RIC1: variants seen among roughly 807,000 people sequenced by gnomAD.
RIC1 encodes the protein guanine nucleotide exchange factor subunit RIC1.
Under a neutral mutation model 169.0 loss-of-function variants are expected in RIC1, and 88 were observed. The ratio of observed to expected loss-of-function variants is 0.52; its 90% CI spans 0.44 to 0.62. The LOEUF is 0.62. Among genes scored for constraint, RIC1 ranks in the 20% least tolerant of loss-of-function variants. The pLI is 0.00. For missense variants in RIC1, 1,877 were observed against 1,725.5 expected (o/e 1.09, Z -1.56); for synonymous variants, 790 against 601.5 (o/e 1.31, Z -4.59).
chr9:5,762,541 G>T lies in RIC1; in HGVS notation c.1993G>T (p.Ala665Ser). The T allele has an allele frequency of 6.2e-7, 1 of 1,613,094 alleles. No homozygotes were observed. Among genetic ancestry groups the T allele is most frequent in the South Asian group, 1.1e-5 (1 of 90,726 alleles). Residue 665 changes from alanine (A) to serine (S), a missense_variant and splice_region_variant, in exon 18 of 26, where the codon GCT becomes TCT. Physicochemically the swap from Ala to Ser is moderately conservative, Grantham distance 99. This residue lies in a region of RIC1 where 1,104 missense variants were observed against 992.0 expected (regional missense o/e 1.11). Coordinates refer to ENST00000414202, the MANE Select transcript of RIC1 (RefSeq NM_020829.4). Reference protein sequence around the residue: ...NGITLKMPQQARGAESIMLNL... With the variant: ...NGITLKMPQQSRGAESIMLNL... ...TTAGCTGCTTTTTCTTAAATTTCAG[G>T]CTCGTGGTGCAGAGAGCATTATGTT...
At chr9:5,709,950 G>T (rs1822836656) in intron 3 of RIC1, among the ~76,000 whole-genome samples, 1 of 152,132 alleles carries the variant, frequency 6.6e-6, no homozygotes, top group Admixed American at 6.5e-5. Flanking sequence ...ACGGTTTCCA[G>T]TTTTAAGATA....
intron 3 of RIC1, among the ~76,000 whole-genome samples, chr9:5,709,322 A>G (rs1162795972): frequency 2.0e-5 from 3 of 152,132 alleles, no homozygotes; most frequent in South Asian, 2.1e-4. Context: ...CATTCATTCC[A>G]TTATTTCTAC....
intron 6 of RIC1, among the ~76,000 whole-genome samples, chr9:5,728,748 A>T (rs1004988534): frequency 2.6e-5 from 4 of 152,032 alleles, no homozygotes; most frequent in Non-Finnish European, 5.9e-5. Context: ...GCTTACTATA[A>T]TCTTTAACAC....
intron 2 of RIC1, among the ~76,000 whole-genome samples, chr9:5,678,899 T>C (rs1197474674): frequency 1.3e-5 from 2 of 152,134 alleles, no homozygotes; most frequent in African/African-American, 4.8e-5. Context: ...TTTTGGTGTT[T>C]TAGACATGAA....
intron 6 of RIC1, among the ~76,000 whole-genome samples, chr9:5,725,535 G>C (rs746522037): frequency 2.6e-5 from 4 of 151,832 alleles, no homozygotes; most frequent in Non-Finnish European, 5.9e-5. Flanking sequence ...TTTTTTTGAT[G>C]GTTTTTTTAT....
intron 1 of RIC1, among the ~76,000 whole-genome samples, chr9:5,650,609 C>G (rs369861575): frequency 3.3e-5 from 5 of 152,114 alleles, no homozygotes; most frequent in African/African-American, 1.2e-4. Flanking sequence ...AACATTGACA[C>G]TGGCATGCTG....
chr9:5,720,313 A>T lies in RIC1; in HGVS notation c.572A>T (p.Gln191Leu), dbSNP rs1216855469. 6.2e-7 allele frequency: 1 copy of T among 1,612,686 alleles called. No homozygotes were observed. ...ACAGTACCCTTTTCAGTAGACCTGC[A>T]GTCATCTAGAGGTAGCTATACTTTC... ...LCTVPFSVDLQSSRVGSFLGF... is the reference protein window; with the variant it reads ...LCTVPFSVDLLSSRVGSFLGF... The change falls in exon 5 of 26, where the codon CAG (glutamine) becomes CTG (leucine). Residue 191 changes from glutamine (Q) to leucine (L), a missense_variant. By Grantham distance (113) the Gln-to-Leu change is moderately radical. Transcript: ENST00000414202.
chr9:5,685,248 A>C (rs1003420401), intron 2 of RIC1, among the ~76,000 whole-genome samples: 1 of 150,048 alleles, frequency 6.7e-6, no homozygotes, highest in African/African-American at 2.5e-5. Flanking sequence ...GCTACCAATG[A>C]GTTTCTTCAC....
chr9:5,635,280 C>G lies in RIC1; in HGVS notation c.144+5827C>G, dbSNP rs577619929. On this transcript the variant is annotated intron_variant, in intron 1 of 25. Coordinates refer to ENST00000414202, the MANE Select transcript of RIC1 (RefSeq NM_020829.4). ...CAAGCATGGGCCACCACACCCAGTC[C>G]TTATTCATTTTTTCTATTTTTTGTA... Among the ~76,000 whole-genome samples the G allele has an allele frequency of 3.9e-5, 6 of 152,240 alleles. No homozygotes were observed. The South Asian group carries it at 1.2e-3, about 32-fold the overall frequency.
At position 5,686,007 on chromosome 9, in the gene RIC1, CCAAAAAACA is replaced by C. The variant is rs1197080589; in HGVS notation, c.253-3949_253-3941del. 3.3e-5 allele frequency among the ~76,000 whole-genome samples: 5 copies of C among 151,922 alleles called. No homozygotes were observed. The South Asian group carries it at 8.3e-4, about 25-fold the overall frequency. ...TTCTGAAAAGAAGACATTTATGCAGCCAAAAAACACATGAAAAAATGCTCATCATCACTG... is the reference window on the plus strand; with the variant it reads ...TTCTGAAAAGAAGACATTTATGCAGCCATGAAAAAATGCTCATCATCACTG... On this transcript the variant is annotated intron_variant, in intron 2 of 25. Coordinates refer to ENST00000414202, the MANE Select transcript of RIC1 (RefSeq NM_020829.4).
At chr9:5,683,809 G>T (rs546452082) in intron 2 of RIC1, among the ~76,000 whole-genome samples, 1 of 152,254 alleles carries the variant, frequency 6.6e-6, no homozygotes, top group East Asian at 1.9e-4. Flanking sequence ...TCAACTTCCC[G>T]GCTGCTTTGT....
At chr9:5,771,941 G>T (rs1827250353) in intron 23 of RIC1, among the ~76,000 whole-genome samples, 1 of 151,794 alleles carries the variant, frequency 6.6e-6, no homozygotes, top group Non-Finnish European at 1.5e-5. Context: ...TTCCTACAAG[G>T]ACTCTTTAAG....
At chr9:5,649,360 C>T (rs1818682233) in intron 1 of RIC1, among the ~76,000 whole-genome samples, 1 of 151,980 alleles carries the variant, frequency 6.6e-6, no homozygotes, top group African/African-American at 2.4e-5. Flanking sequence ...TTATGGTGTC[C>T]CATATGTCAT....
At chr9:5,736,655 T>G (rs1824724830) in intron 7 of RIC1, among the ~76,000 whole-genome samples, 1 of 152,060 alleles carries the variant, frequency 6.6e-6, no homozygotes, top group Admixed American at 6.6e-5. Flanking sequence ...AACTGAGACA[T>G]GGAAGATATT....
chr9:5,736,955 G>A (rs1824749539), intron 7 of RIC1, among the ~76,000 whole-genome samples: 1 of 148,134 alleles, frequency 6.8e-6, no homozygotes, highest in Admixed American at 6.8e-5. Context: ...AAGCTGCTGT[G>A]AAGAAACCAT....
At chr9:5,642,242 GTC>G (rs1209328973) in intron 1 of RIC1, among the ~76,000 whole-genome samples, 1 of 144,860 alleles carries the variant, frequency 6.9e-6, no homozygotes, top group Non-Finnish European at 1.5e-5. Flanking sequence ...AACAAATGGA[GTC>G]TCTCTCTGTG....
chr9:5,727,653 G>C (rs1824082949), intron 6 of RIC1, among the ~76,000 whole-genome samples: 1 of 152,124 alleles, frequency 6.6e-6, no homozygotes, highest in African/African-American at 2.4e-5. Context: ...TTTCTGCTCT[G>C]GTTTCTCCCC....
At chr9:5,630,244 A>T (rs773568584) in intron 1 of RIC1, among the ~76,000 whole-genome samples, 2 of 152,214 alleles carry the variant, frequency 1.3e-5, no homozygotes, top group African/African-American at 2.4e-5. Context: ...AGAAAGAAAT[A>T]AGTGGTGGAT....
chr9:5,689,364 T>C (rs758536592), intron 2 of RIC1, among the ~76,000 whole-genome samples: 6 of 152,174 alleles, frequency 3.9e-5, no homozygotes, highest in Non-Finnish European at 7.3e-5. Context: ...AATTTGTTGT[T>C]AAAAAATATT....
Sources: allele counts gnomAD v4.1 joint callset (sites outside exome capture counted in the v4.1 genomes callset), GRCh38; gene constraint gnomAD v4.1.1; regional missense constraint gnomAD v4.1.1; transcripts MANE v1.5; gene names NCBI Gene and HGNC (gene_info 2026-07-23, HGNC 2026-07-21).